The following PCDH18 variants were observed in gnomAD, a reference collection of about 807,000 sequenced individuals.
PCDH18 encodes the protein protocadherin 18, also known as protocadherin-18.
In PCDH18, 38 loss-of-function variants were observed where a neutral mutation model predicts 71.5. The ratio of observed to expected loss-of-function variants is 0.53; its 90% CI spans 0.41 to 0.70. The LOEUF (loss-of-function observed/expected upper bound fraction) is 0.70. Among genes scored for constraint, PCDH18 ranks in the 30% least tolerant of loss-of-function variants. PCDH18 has a pLI of 0.00. For synonymous variants in PCDH18, 565 were observed against 505.4 expected, an observed-to-expected ratio of 1.12 and a Z score of -1.58; for missense variants, 1,334 against 1,384.6, an observed-to-expected ratio of 0.96 and a Z score of 0.58.
intron 3 of PCDH18, among the ~76,000 whole-genome samples, chr4:137,525,901 G>A (rs62333309): frequency 0.2 from 29,750 of 151,810 alleles, 3,340 homozygotes; most frequent in East Asian, 0.35. Flanking sequence ...TGATATAAAG[G>A]TGAACTCCTA....
Position 137,532,322 on chromosome 4 carries a change from C to T in PCDH18, c.-234G>A, listed in dbSNP as rs1424157759. 1 of 702,680 alleles carries T rather than the reference C, an allele frequency of 1.4e-6. No homozygotes were observed. The highest frequency in any genetic ancestry group is 2.0e-5 in the Admixed American group (1 of 50,006). 43.5% of individuals were successfully genotyped at this position (702,680 alleles called of 1,614,324 possible). A position where few individuals can be genotyped will look rare whatever the true frequency, so the allele number is the denominator to read the frequency against. Reference sequence around the variant, plus strand: ...TTGCGTTTGTTTGGTCGTTCGTCCTCTTTCCAGGCAGGAGAGTGTCACCTC... The same window carrying T: ...TTGCGTTTGTTTGGTCGTTCGTCCTTTTTCCAGGCAGGAGAGTGTCACCTC... On this transcript the variant is annotated 5_prime_UTR_variant, in exon 1 of 4. Transcript: ENST00000344876.
At chr4:137,524,713 G>A (rs1293604396) in intron 3 of PCDH18, among the ~76,000 whole-genome samples, 1 of 152,170 alleles carries the variant, frequency 6.6e-6, no homozygotes, top group Non-Finnish European at 1.5e-5. Context: ...TAAGCTAAGA[G>A]GGGATTCCAT....
Position 137,531,122 on chromosome 4 carries a change from C to G in PCDH18, c.967G>C (p.Asp323His), listed in dbSNP as rs551560711. ...DYEITKSYEI[D>H]VQAQDLGPNS... Reference sequence around the variant, plus strand: ...GGACCCAAATCTTGAGCCTGAACATCAATCTCATAGGATTTGGTGATTTCA... The same window carrying G: ...GGACCCAAATCTTGAGCCTGAACATGAATCTCATAGGATTTGGTGATTTCA... The change falls in exon 1 of 4, where the codon GAT becomes CAT. Residue 323 changes from aspartate (D) to histidine (H), a missense_variant. By Grantham distance (81) the Asp-to-His change is moderately conservative (BLOSUM62 -1). Transcript: ENST00000344876. 6.2e-7 allele frequency: 1 copy of G among 1,613,828 alleles called. No individual in the cohort carries two copies. The highest frequency in any genetic ancestry group is 1.1e-5 in the South Asian group (1 of 91,080).
chr4:137,525,126 G>A (rs1172059013), intron 3 of PCDH18, among the ~76,000 whole-genome samples: 1 of 152,088 alleles, frequency 6.6e-6, no homozygotes, highest in African/African-American at 2.4e-5. Flanking sequence ...GAATGCAATG[G>A]AAAATGGGGA....
intron 3 of PCDH18, among the ~76,000 whole-genome samples, chr4:137,524,103 G>A (rs1731379563): frequency 6.6e-6 from 1 of 152,032 alleles, no homozygotes; most frequent in Non-Finnish European, 1.5e-5. Context: ...CAGTTAGCAG[G>A]GCTTGTTGAC....
At chr4:137,528,299 G>A (rs1401835208) in intron 3 of PCDH18, among the ~76,000 whole-genome samples, 179 bp downstream of exon 3, 4 of 152,086 alleles carry the variant, frequency 2.6e-5, no homozygotes, top group Non-Finnish European at 5.9e-5. Context: ...AGAAAACAGT[G>A]TTAAAATGTT....
intron 1 of PCDH18, 112 bp downstream of exon 1, chr4:137,529,490 G>GCACAGTATT (rs746227722): frequency 5.2e-4 from 344 of 657,042 alleles, no homozygotes; most frequent in Non-Finnish European, 7.9e-4. Context: ...TACTTAATTT[G>GCACAGTATT]CACAGTATTA....
At position 137,528,657 on chromosome 4, in the gene PCDH18, AC is replaced by A. The variant is rs762311448; in HGVS notation, c.2577-17del. Reference sequence around the variant, plus strand: ...AAGGGCATATCTGGAAAGATAAATCACAAAAAAAAATTACAGTTTTTACTCT... The same window carrying A: ...AAGGGCATATCTGGAAAGATAAATCAAAAAAAAAATTACAGTTTTTACTCT... On this transcript the variant is annotated splice_polypyrimidine_tract_variant and intron_variant, in intron 2 of 3. Coordinates refer to ENST00000344876, the MANE Select transcript of PCDH18 (RefSeq NM_019035.5). 8.1e-6 allele frequency: 13 copies of A among 1,599,346 alleles called. No homozygotes were observed. The highest frequency in any genetic ancestry group is 6.7e-5 in the African/African-American group (5 of 74,130).
chr4:137,525,415 A>T (rs1428196060), intron 3 of PCDH18, among the ~76,000 whole-genome samples: 1 of 152,072 alleles, frequency 6.6e-6, no homozygotes, highest in Non-Finnish European at 1.5e-5. Flanking sequence ...AACTGTGCTG[A>T]TCTCTTTTAA....
intron 3 of PCDH18, among the ~76,000 whole-genome samples, chr4:137,526,097 A>G (rs1484269091): frequency 6.6e-6 from 1 of 151,630 alleles, no homozygotes; most frequent in Non-Finnish European, 1.5e-5. Flanking sequence ...TCTTGCCACA[A>G]ACTTACGTGG....
rs1256482122 is a variant in PCDH18 at position 137,532,212 on chromosome 4, A to G, written c.-124T>C. On this transcript the variant is annotated 5_prime_UTR_variant, in exon 1 of 4. Coordinates refer to ENST00000344876, the MANE Select transcript of PCDH18 (RefSeq NM_019035.5). ...ACTTGAAAGCGTCTCTTAATAACAC[A>G]GCACAGCAATTAACAGCTCGCAAAC... 2.4e-6 allele frequency: 2 copies of G among 822,898 alleles called. No individual in the cohort carries two copies. Among genetic ancestry groups the G allele is most frequent in the Admixed American group, 3.6e-5 (2 of 55,810 alleles). The allele number at this position is 822,898 out of a possible 1,614,324, so 51.0% of individuals were successfully genotyped here.
In PCDH18 at chr4:137,519,822, A is replaced by G. The variant is rs989412201; in HGVS notation, c.*1207T>C. The G allele has an allele frequency of 1.9e-4, 29 of 152,746 alleles. No individual in the cohort carries two copies. Among genetic ancestry groups the G allele is most frequent in the African/African-American group, 6.5e-4 (27 of 41,572 alleles). 9.5% of individuals were successfully genotyped at this position (152,746 alleles called of 1,614,324 possible). A position where few individuals can be genotyped will look rare whatever the true frequency, so the allele number is the denominator to read the frequency against. ...CTTGGTCAGAAATGATAATAGTCATAATAAGCATCTCTCTCACCAAGGCAT... is the reference window on the plus strand; with the variant it reads ...CTTGGTCAGAAATGATAATAGTCATGATAAGCATCTCTCTCACCAAGGCAT... On this transcript the variant is annotated 3_prime_UTR_variant, in exon 4 of 4. Transcript: ENST00000344876.
At chr4:137,521,948 A>T (rs1339825837) in intron 3 of PCDH18, among the ~76,000 whole-genome samples, 2 of 152,120 alleles carry the variant, frequency 1.3e-5, no homozygotes, top group African/African-American at 4.8e-5. Context: ...ATATTCTGCT[A>T]CTTGAATAAT....
At chr4:137,525,664 T>A (rs1430252382) in intron 3 of PCDH18, among the ~76,000 whole-genome samples, 1 of 152,130 alleles carries the variant, frequency 6.6e-6, no homozygotes, top group African/African-American at 2.4e-5. Context: ...TTGCGGACCA[T>A]TGGTGACTTC....
At chr4:137,526,850 A>G (rs1324767034) in intron 3 of PCDH18, among the ~76,000 whole-genome samples, 3 of 151,700 alleles carry the variant, frequency 2.0e-5, no homozygotes, top group Admixed American at 2.0e-4. Context: ...TACTTGATAG[A>G]TTAGTGTTTA....
At position 137,530,093 on chromosome 4, in the gene PCDH18, G is replaced by A; in HGVS notation, c.1996C>T (p.Leu666=). Residue 666 remains leucine (L), a synonymous_variant, in exon 1 of 4, where the codon CTA becomes TTA. Transcript: ENST00000344876. ...CACTTCAGAAGGACTTTGGTATGTA[G>A]CTGAGGATTGCCTTTGTCCTGAATG... ...VIIQDKGNPQ[L]HTKVLLKCMI... 6.2e-7 allele frequency: 1 copy of A among 1,613,960 alleles called. No individual in the cohort carries two copies. Among genetic ancestry groups the A allele is most frequent in the Non-Finnish European group, 8.5e-7 (1 of 1,179,858 alleles).
intron 3 of PCDH18, among the ~76,000 whole-genome samples, chr4:137,526,702 T>C (rs2149213892): frequency 6.6e-6 from 1 of 152,194 alleles, no homozygotes; most frequent in South Asian, 2.1e-4. Flanking sequence ...TATTATAGCA[T>C]CTATTACTGT....
chr4:137,529,445 A>G (rs1455233815), intron 1 of PCDH18, 157 bp downstream of exon 1: 4 of 540,070 alleles, frequency 7.4e-6, no homozygotes, highest in Non-Finnish European at 3.3e-6. Flanking sequence ...TAAAGTGTGC[A>G]TCTTTGCTAC....
chr4:137,532,396 G>A lies in PCDH18; in HGVS notation c.-308C>T, dbSNP rs1214654375. 4.3e-6 allele frequency: 3 copies of A among 700,452 alleles called. No homozygotes were observed. Among genetic ancestry groups the A allele is most frequent in the Non-Finnish European group, 7.8e-6 (3 of 384,272 alleles). 43.4% of individuals were successfully genotyped at this position (700,452 alleles called of 1,614,324 possible). On this transcript the variant is annotated 5_prime_UTR_variant, in exon 1 of 4. Coordinates refer to ENST00000344876, the MANE Select transcript of PCDH18 (RefSeq NM_019035.5). ...GGAATCCATCTATTGCAGGGTGCCG[G>A]TGGAGTCTGCAGTGTGTCTTTCCTG...
Sources: allele counts gnomAD v4.1 joint callset (sites outside exome capture counted in the v4.1 genomes callset), GRCh38; gene constraint gnomAD v4.1.1; transcripts MANE v1.5; gene names NCBI Gene and HGNC (gene_info 2026-07-23, HGNC 2026-07-21).